The following SNX24 variants were observed in gnomAD, a reference collection of about 807,000 sequenced individuals.
SNX24 encodes the protein sorting nexin 24, also known as sorting nexin-24.
A neutral mutation model predicts 28.7 loss-of-function variants in SNX24; 22 were observed. The ratio of observed to expected loss-of-function variants is 0.77; its 90% CI spans 0.55 to 1.10. The LOEUF is 1.10. Ranked by LOEUF, SNX24 falls within the 50% of genes least tolerant of loss-of-function variation. The pLI is 0.00. For missense variants in SNX24, 221 were observed against 201.1 expected (o/e 1.10, Z -0.60); for synonymous variants, 69 against 71.5 (o/e 0.96, Z 0.18).
At position 123,008,295 on chromosome 5, in the gene SNX24, A is replaced by G; in HGVS notation, c.*546A>G. On this transcript the variant is annotated 3_prime_UTR_variant, in exon 7 of 7. Coordinates refer to ENST00000261369, the MANE Select transcript of SNX24 (RefSeq NM_014035.4). ...AAACTGGAAATTAAATTATACTGAC[A>G]ATATTATGGCATTTTTAAGATCATG... 1 of 984,280 alleles carries G rather than the reference A, an allele frequency of 1.0e-6. No homozygotes were observed. Among genetic ancestry groups the G allele is most frequent in the Non-Finnish European group, 1.2e-6 (1 of 828,876 alleles). 61.0% of individuals were successfully genotyped at this position (984,280 alleles called of 1,614,324 possible).
rs190403131 is a variant in SNX24, at chr5:122,992,272, G to A, written c.250-7640G>A. Among the ~76,000 whole-genome samples the A allele has an allele frequency of 6.6e-5, 10 of 152,280 alleles. No homozygotes were observed. The East Asian group carries it at 1.9e-3, about 29-fold the overall frequency. On this transcript the variant is annotated intron_variant, in intron 3 of 6. Transcript: ENST00000261369. ...TCTGATGAACACTACTACATATGTT[G>A]TAGTTGTAGTCAAAATACAAATCAG...
chr5:122,980,633 T>G (rs908422094), intron 3 of SNX24, among the ~76,000 whole-genome samples: 1 of 151,458 alleles, frequency 6.6e-6, no homozygotes, highest in Non-Finnish European at 1.5e-5. Flanking sequence ...AGAAGGAGTT[T>G]AAGGTGCAAG....
intron 3 of SNX24, among the ~76,000 whole-genome samples, chr5:122,970,195 A>T (rs1247977437): frequency 1.3e-5 from 2 of 149,136 alleles, no homozygotes; most frequent in African/African-American, 5.0e-5. Flanking sequence ...CCTTTTCATG[A>T]TATCTAGTTG....
At chr5:122,990,871 C>A (rs1761814719) in intron 3 of SNX24, among the ~76,000 whole-genome samples, 1 of 152,024 alleles carries the variant, frequency 6.6e-6, no homozygotes, top group Admixed American at 6.5e-5. Context: ...AGGTACGTAG[C>A]TAGTTTATAA....
chr5:122,916,762 TC>T (rs1295500767), intron 1 of SNX24, among the ~76,000 whole-genome samples: 1 of 152,190 alleles, frequency 6.6e-6, no homozygotes, highest in Non-Finnish European at 1.5e-5. Flanking sequence ...TGAATGATAA[TC>T]TTTCTTTACA....
chr5:122,921,146 G>C (rs1243197411), intron 1 of SNX24, among the ~76,000 whole-genome samples: 1 of 151,734 alleles, frequency 6.6e-6, no homozygotes, highest in Non-Finnish European at 1.5e-5. Context: ...GGACTCTGTA[G>C]CCTGCTTTTT....
At chr5:123,018,460 C>T (rs962078764) in intron 5 of SNX24, among the ~76,000 whole-genome samples, 2 of 152,162 alleles carry the variant, frequency 1.3e-5, no homozygotes, top group East Asian at 1.9e-4. Flanking sequence ...GTTACCACCT[C>T]GGACAAATGG....
chr5:122,986,095 A>G (rs975377481), intron 3 of SNX24, among the ~76,000 whole-genome samples: 2 of 152,176 alleles, frequency 1.3e-5, no homozygotes, highest in African/African-American at 4.8e-5. Context: ...AAGGAAGCAG[A>G]TGGGTGGATG....
intron 3 of SNX24, among the ~76,000 whole-genome samples, chr5:122,976,790 C>T (rs1010669392): frequency 1.3e-5 from 2 of 152,216 alleles, no homozygotes; most frequent in Non-Finnish European, 2.9e-5. Context: ...GCGTAAAACG[C>T]AGAGCACAGT....
intron 1 of SNX24, among the ~76,000 whole-genome samples, chr5:122,894,133 C>T (rs1385924153): frequency 1.3e-5 from 2 of 151,626 alleles, no homozygotes; most frequent in East Asian, 1.9e-4. Context: ...TTTCCAAAAC[C>T]TCTTGATTTA....
At chr5:122,872,465 G>A (rs1756022836) in intron 1 of SNX24, among the ~76,000 whole-genome samples, 1 of 152,062 alleles carries the variant, frequency 6.6e-6, no homozygotes, top group Non-Finnish European at 1.5e-5. Flanking sequence ...TCCTGAATTT[G>A]TAAGTACGGC....
At chr5:122,872,120 A>G (rs1056871913) in intron 1 of SNX24, among the ~76,000 whole-genome samples, 7 of 149,332 alleles carry the variant, frequency 4.7e-5, no homozygotes, top group Non-Finnish European at 4.4e-5. Flanking sequence ...TTCATCTAGT[A>G]TGAGAATTTT....
chr5:122,976,206 A>G (rs1231921933), intron 3 of SNX24, among the ~76,000 whole-genome samples: 5 of 151,046 alleles, frequency 3.3e-5, no homozygotes, highest in African/African-American at 9.7e-5. Context: ...TTTTTTTAAT[A>G]TAGTGTTTGT....
chr5:123,011,202 G>A (rs13164161), downstream of SNX24, among the ~76,000 whole-genome samples: 35,218 of 151,570 alleles, frequency 0.23, 5,213 homozygotes, highest in Non-Finnish European at 0.34. Context: ...ACCAGAGGAA[G>A]GAAAAGGAAA....
chr5:123,024,216 A>G (rs1454143706), intron 5 of SNX24, among the ~76,000 whole-genome samples: 1 of 152,134 alleles, frequency 6.6e-6, no homozygotes, highest in Admixed American at 6.5e-5. Context: ...AATAAAATTC[A>G]CCCATGACCT....
At chr5:122,939,700 G>T (rs1284549713) in intron 2 of SNX24, among the ~76,000 whole-genome samples, 2 of 152,058 alleles carry the variant, frequency 1.3e-5, no homozygotes, top group Admixed American at 6.5e-5. Context: ...TTATCTAAGG[G>T]CAAATTGCTG....
chr5:122,892,649 G>T (rs71594314), intron 1 of SNX24, among the ~76,000 whole-genome samples: 4,594 of 151,990 alleles, frequency 0.03, 80 homozygotes, highest in Non-Finnish European at 0.037. Context: ...TGTTGGCCAG[G>T]CTGCTCTTGA....
At chr5:122,993,752 C>G (rs575564025) in intron 3 of SNX24, among the ~76,000 whole-genome samples, 6 of 152,330 alleles carry the variant, frequency 3.9e-5, no homozygotes, top group Admixed American at 1.3e-4. Flanking sequence ...GACAGTGACA[C>G]TGCAGCCCAT....
chr5:122,948,555 C>T (rs1379989526), intron 3 of SNX24: 1 of 152,234 alleles, frequency 6.6e-6, no homozygotes, highest in African/African-American at 2.4e-5. Flanking sequence ...CTCAATTTCC[C>T]ACGCATAAAC....
Sources: gnomAD v4.1 joint callset for allele counts (sites outside exome capture counted in the v4.1 genomes callset) on GRCh38, gnomAD v4.1.1 for gene constraint, MANE v1.5 for transcripts, NCBI Gene and HGNC (gene_info 2026-07-23, HGNC 2026-07-21) for gene names.